Variants in ZNF235 observed in about 807,000 individuals in gnomAD.
ZNF235 encodes the protein zinc finger protein 235, also known as zfp-93.
ZNF235 carries 25 observed loss-of-function variants against 29.4 expected under a neutral mutation model. The observed-to-expected ratio is 0.85, with a 90% CI of 0.62 to 1.19. ZNF235 has a LOEUF of 1.19. ZNF235 is among the 50% of genes most tolerant of loss of function. The pLI, the probability that ZNF235 is intolerant of heterozygous loss-of-function variation, is 0.00. For synonymous variants in ZNF235, 300 were observed against 295.3 expected (o/e 1.02, Z -0.16); for missense variants, 788 against 885.0 (o/e 0.89, Z 1.39).
At chr19:44,294,094 C>T (rs1485326914) in intron 4 of ZNF235, among the ~76,000 whole-genome samples, 1 of 151,762 alleles carries the variant, frequency 6.6e-6, no homozygotes, top group Non-Finnish European at 1.5e-5. Flanking sequence ...AACCATGGAA[C>T]CATACAAAGG....
At chr19:44,302,913 C>CGTATATATTT (rs56298248) in intron 2 of ZNF235, among the ~76,000 whole-genome samples, 62,545 of 129,954 alleles carry the variant, frequency 0.48, 16,126 homozygotes, top group South Asian at 0.67. Flanking sequence ...TAAATATATA[C>CGTATATATTT]GTATATATTT....
intron 1 of ZNF235, 82 bp from the exon 2 acceptor site, chr19:44,303,534 G>T: frequency 7.8e-7 from 1 of 1,285,078 alleles, no homozygotes; most frequent in Non-Finnish European, 1.1e-6. Context: ...TTCAGAGAAA[G>T]GTCCCCCTGT....
At position 44,286,976 on chromosome 19, in the gene ZNF235, A is replaced by C; in HGVS notation, c.*242T>G. 2.5e-6 allele frequency: 1 copy of C among 400,556 alleles called. No individual in the cohort carries two copies. The allele number at this position is 400,556 out of a possible 1,614,324, so 24.8% of individuals were successfully genotyped here. On this transcript the variant is annotated 3_prime_UTR_variant, in exon 5 of 5. Transcript: ENST00000291182. ...CATCTTGAGAACCGGGACACCTGGT[A>C]CTCTGATATAAACACTGATCATATT...
Position 44,289,007 on chromosome 19 carries a change from A to G in ZNF235, c.428T>C (p.Val143Ala). ...AGCTTGAATAGATTCTCCTGCTCCC[A>G]CTTGACAGGGGGAATCATGGTGCTT... The part of the protein sequence containing the change: ...FPKHHDSPCQ[V>A]GAGESIQASV... The change falls in exon 5 of 5, where the codon GTG becomes GCG. Residue 143 changes from valine to alanine, a missense_variant. Physicochemically the swap from Val to Ala is moderately conservative, Grantham distance 64 (BLOSUM62 0). Coordinates refer to ENST00000291182, the MANE Select transcript of ZNF235 (RefSeq NM_004234.4). 1 of 1,614,072 alleles carries G rather than the reference A, an allele frequency of 6.2e-7. No individual in the cohort carries two copies. Among genetic ancestry groups the G allele is most frequent in the Non-Finnish European group, 8.5e-7 (1 of 1,179,978 alleles).
In ZNF235 at chr19:44,303,426, A is replaced by G. The variant is rs749710840; in HGVS notation, c.-22T>C. 4 of 1,608,268 alleles carry G rather than the reference A, an allele frequency of 2.5e-6. No individual in the cohort carries two copies. In the Admixed American group the frequency reaches 6.7e-5, roughly 27 times the overall value. On this transcript the variant is annotated 5_prime_UTR_variant, in exon 2 of 5. Transcript: ENST00000291182. Reference sequence around the variant, plus strand: ...TCATTTTTCCCCTCCTCCTTCTGGGAAAAGGCAGAGTTCCGGGGAAGTGAA... The same window carrying G: ...TCATTTTTCCCCTCCTCCTTCTGGGGAAAGGCAGAGTTCCGGGGAAGTGAA...
rs1360485692 is a variant in ZNF235, at chr19:44,304,993, C to T, written c.-71G>A. Reference sequence around the variant, plus strand: ...CACCTCCCTGGGAGATATCTCAGATCCGACCTCGCCTTCCTGGAGCGGAAG... The same window carrying T: ...CACCTCCCTGGGAGATATCTCAGATTCGACCTCGCCTTCCTGGAGCGGAAG... On this transcript the variant is annotated 5_prime_UTR_variant, in exon 1 of 5. Transcript: ENST00000291182. 6 of 968,348 alleles carry T rather than the reference C, an allele frequency of 6.2e-6. No homozygotes were observed. The highest frequency in any genetic ancestry group is 7.4e-6 in the Non-Finnish European group (6 of 814,428). The allele number at this position is 968,348 out of a possible 1,614,324, so 60.0% of individuals were successfully genotyped here. A position where few individuals can be genotyped will look rare whatever the true frequency, so the allele number is the denominator to read the frequency against.
chr19:44,302,973 T>TACATAC (rs1568647600), intron 2 of ZNF235, among the ~76,000 whole-genome samples: 5 of 105,914 alleles, frequency 4.7e-5, no homozygotes, highest in Non-Finnish European at 8.5e-5. Flanking sequence ...TACGTATATA[T>TACATAC]GTATATATTT....
Position 44,288,196 on chromosome 19 carries a change from A to C in ZNF235, c.1239T>G (p.Thr413=). The change falls in exon 5 of 5, where the codon ACT becomes ACG. Residue 413 remains threonine, a synonymous_variant. Transcript: ENST00000291182. ...YKCEVCGKGF[T]QRSHLQAHER... The stretch of plus-strand genomic sequence containing the variant: ...CATGGGCCTGAAGATGTGATCTCTG[A>C]GTGAAGCCCTTCCCACACACCTCAC... 1 of 1,614,080 alleles carries C rather than the reference A, an allele frequency of 6.2e-7. No individual in the cohort carries two copies. The highest frequency in any genetic ancestry group is 1.1e-5 in the South Asian group (1 of 91,086).
At chr19:44,304,632 AT>A in intron 1 of ZNF235, 2 of 744,452 alleles carry the variant, frequency 2.7e-6, no homozygotes, top group Non-Finnish European at 3.3e-6. Flanking sequence ...TCACAAGAAC[AT>A]CACTGGGAAC....
intron 3 of ZNF235, among the ~76,000 whole-genome samples, 171 bp from the exon 4 acceptor site, chr19:44,299,074 C>T (rs1250747117): frequency 6.6e-6 from 1 of 152,112 alleles, no homozygotes; most frequent in Admixed American, 6.5e-5. Context: ...ACTGGAAATA[C>T]ATTACCCTGT....
intron 2 of ZNF235, among the ~76,000 whole-genome samples, chr19:44,303,010 ATATATT>A (rs1568647775): frequency 5.0e-4 from 67 of 134,276 alleles, no homozygotes; most frequent in African/African-American, 1.7e-3. Context: ...ATATATACGT[ATATATT>A]TATATAAAAT....
Position 44,287,224 on chromosome 19 carries a change from A to C in ZNF235, c.2211T>G (p.Asn737Lys). 1 of 1,590,108 alleles carries C rather than the reference A, an allele frequency of 6.3e-7. No individual in the cohort carries two copies. The highest frequency in any genetic ancestry group is 1.3e-5 in the African/African-American group (1 of 74,476). The change falls in exon 5 of 5, where the codon AAT becomes AAG. Residue 737 changes from asparagine to lysine, a missense_variant. By Grantham distance (94) the Asn-to-Lys change is moderately conservative. Coordinates refer to ENST00000291182, the MANE Select transcript of ZNF235 (RefSeq NM_004234.4). Reference protein sequence around the residue: ...IYHQRVHTGGNL With the variant: ...IYHQRVHTGGKL ...TGAACCACACCTCTCATTTCTACAGATTCCCTCCAGTGTGGACTCTCTGAT... is the reference window on the plus strand; with the variant it reads ...TGAACCACACCTCTCATTTCTACAGCTTCCCTCCAGTGTGGACTCTCTGAT...
At chr19:44,304,583 C>T in intron 1 of ZNF235, 2 of 430,104 alleles carry the variant, frequency 4.7e-6, no homozygotes, top group Non-Finnish European at 6.2e-6. Context: ...TTCCTATGCA[C>T]TGGTTTTAAG....
At chr19:44,291,251 C>T (rs1243712832) in intron 4 of ZNF235, among the ~76,000 whole-genome samples, 1 of 152,198 alleles carries the variant, frequency 6.6e-6, no homozygotes, top group Non-Finnish European at 1.5e-5. Context: ...ACAGAAACAT[C>T]TCTGCAAAAT....
At chr19:44,289,995 T>G (rs1249741971) in intron 4 of ZNF235, 1 of 152,210 alleles carries the variant, frequency 6.6e-6, no homozygotes, top group Non-Finnish European at 1.5e-5. Context: ...GAGTCCGTGC[T>G]GTGAAAGGGA....
Position 44,287,134 on chromosome 19 carries a change from A to G in ZNF235, c.*84T>C. On this transcript the variant is annotated 3_prime_UTR_variant, in exon 5 of 5. Coordinates refer to ENST00000291182, the MANE Select transcript of ZNF235 (RefSeq NM_004234.4). ...TCTTTGAAGCTTCTAGTTTTAAAGGAACTTTTCACAATCATCAGCATGGAC... is the reference window on the plus strand; with the variant it reads ...TCTTTGAAGCTTCTAGTTTTAAAGGGACTTTTCACAATCATCAGCATGGAC... 1 of 1,392,032 alleles carries G rather than the reference A, an allele frequency of 7.2e-7. No homozygotes were observed. Among genetic ancestry groups the G allele is most frequent in the Non-Finnish European group, 9.6e-7 (1 of 1,036,938 alleles). 86.2% of individuals were successfully genotyped at this position (1,392,032 alleles called of 1,614,324 possible). A position where few individuals can be genotyped will look rare whatever the true frequency, so the allele number is the denominator to read the frequency against.
chr19:44,303,350 A>T (rs1438299408), intron 2 of ZNF235, 40 bp downstream of exon 2: 1 of 1,603,558 alleles, frequency 6.2e-7, no homozygotes, highest in East Asian at 2.2e-5. Context: ...TTGTGAAATG[A>T]GATGTCATTT....
At chr19:44,290,304 C>T (rs766647983) in intron 4 of ZNF235, 1 of 153,600 alleles carries the variant, frequency 6.5e-6, no homozygotes, top group Non-Finnish European at 1.4e-5. Context: ...GGAAAAGACA[C>T]TTGTCTTTGG....
At chr19:44,303,978 A>G (rs1273605494) in intron 1 of ZNF235, among the ~76,000 whole-genome samples, 2 of 152,346 alleles carry the variant, frequency 1.3e-5, no homozygotes, top group South Asian at 2.1e-4. Context: ...ATCTTTTAAG[A>G]AACCCAGAAC....
Sources: allele counts gnomAD v4.1 joint callset (sites outside exome capture counted in the v4.1 genomes callset), GRCh38; gene constraint gnomAD v4.1.1; transcripts MANE v1.5; gene names NCBI Gene and HGNC (gene_info 2026-07-23, HGNC 2026-07-21).